Variants in SFI1 observed in about 807,000 individuals in gnomAD.
SFI1 encodes protein SFI1 homolog.
SFI1 carries 195 observed loss-of-function variants against 207.5 expected under a neutral mutation model. The observed-to-expected ratio is 0.94, with a 90% CI of 0.84 to 1.06. The LOEUF (loss-of-function observed/expected upper bound fraction) is 1.06, where lower values mean the gene tolerates loss of function less well. SFI1 is among the 50% of genes least tolerant of loss of function. The probability of loss-of-function intolerance (pLI) is 0.00; values close to 1 mark genes in which losing one functional copy is unlikely to be tolerated. For missense variants in SFI1, 1,634 were observed against 1,588.0 expected (o/e 1.03, Z -0.49); for synonymous variants, 630 against 598.9 (o/e 1.05, Z -0.76).
intron 8 of SFI1, among the ~76,000 whole-genome samples, chr22:31,571,218 C>G (rs148764841): frequency 0.012 from 1,781 of 152,248 alleles, 10 homozygotes; most frequent in Middle Eastern, 0.031. Flanking sequence ...AGTCTTTCCC[C>G]AACAACTTTT....
intron 12 of SFI1, among the ~76,000 whole-genome samples, chr22:31,582,228 A>ATG (rs1569377319): frequency 3.0e-5 from 1 of 33,828 alleles, no homozygotes; most frequent in Non-Finnish European, 5.4e-5. Context: ...ATATATATAT[A>ATG]TATATATATT....
intron 10 of SFI1, 32 bp downstream of exon 10, chr22:31,575,424 C>T (rs776730108): frequency 4.5e-6 from 7 of 1,551,654 alleles, no homozygotes; most frequent in Non-Finnish European, 5.2e-6. Context: ...CTGTCCATTG[C>T]CTCAGCCAGG....
intron 2 of SFI1, among the ~76,000 whole-genome samples, chr22:31,511,380 G>C (rs1034680675): frequency 5.9e-5 from 9 of 151,742 alleles, no homozygotes; most frequent in African/African-American, 2.2e-4. Flanking sequence ...GTACTCTTTA[G>C]GCCTGCTTTA....
chr22:31,521,773 T>TC (rs1412332790), intron 2 of SFI1, among the ~76,000 whole-genome samples: 1 of 151,822 alleles, frequency 6.6e-6, no homozygotes, highest in Non-Finnish European at 1.5e-5. Context: ...CCTTTTTTTT[T>TC]CTTTTTTTTT....
At chr22:31,555,662 G>A (rs896302035) in intron 6 of SFI1, among the ~76,000 whole-genome samples, 24 of 152,182 alleles carry the variant, frequency 1.6e-4, no homozygotes, top group Non-Finnish European at 3.1e-4. Flanking sequence ...ATAACTCTGA[G>A]AGAGGCACCA....
intron 4 of SFI1, among the ~76,000 whole-genome samples, chr22:31,542,716 C>T (rs976260326): frequency 6.6e-6 from 1 of 151,732 alleles, no homozygotes; most frequent in Non-Finnish European, 1.5e-5. Flanking sequence ...GGCTGGAGTG[C>T]AGTGGCCTGA....
Position 31,618,364 on chromosome 22 carries a change from G to A in SFI1, c.3675G>A (p.Gln1225=). 6.2e-7 allele frequency: 1 copy of A among 1,607,988 alleles called. No individual in the cohort carries two copies. Among genetic ancestry groups the A allele is most frequent in the South Asian group, 1.1e-5 (1 of 90,812 alleles). Residue 1225 remains glutamine (Q), a synonymous_variant, in exon 33 of 33, where the codon CAG becomes CAA. Transcript: ENST00000400288. The part of the protein sequence containing the change: ...LLAEELQAQR[Q]PIGACVARIQ... ...CAGAGGAGCTCCAGGCTCAGCGCCA[G>A]CCCATTGGCGCCTGCGTTGCCCGCA...
chr22:31,553,529 A>ATTTTTTTTT (rs71202096), intron 6 of SFI1, among the ~76,000 whole-genome samples: 49 of 82,550 alleles, frequency 5.9e-4, no homozygotes, highest in South Asian at 8.4e-4. Flanking sequence ...TAATTTTTGT[A>ATTTTTTTTT]TTTTTTTTTT....
intron 2 of SFI1, among the ~76,000 whole-genome samples, chr22:31,522,131 A>G (rs1438117084): frequency 2.2e-5 from 3 of 133,972 alleles, no homozygotes; most frequent in African/African-American, 8.5e-5. Context: ...GCAGTGGCAC[A>G]ATCTCTGCTC....
At chr22:31,551,488 G>T (rs990230154) in intron 6 of SFI1, among the ~76,000 whole-genome samples, 1 of 152,154 alleles carries the variant, frequency 6.6e-6, no homozygotes, top group Non-Finnish European at 1.5e-5. Context: ...TGTTTCACTG[G>T]TAAGTAACTT....
chr22:31,575,419 C>T lies in SFI1; in HGVS notation c.1084+27C>T, dbSNP rs766846499. 9 of 1,558,514 alleles carry T rather than the reference C, an allele frequency of 5.8e-6. No individual in the cohort carries two copies. In the Admixed American group the frequency reaches 1.3e-4, roughly 22 times the overall value. ...TATCCTTTCAGATACTCAGGCTGTC[C>T]ATTGCCTCAGCCAGGACAGCATGAG... On this transcript the variant is annotated intron_variant, in intron 10 of 32. Transcript: ENST00000400288.
At chr22:31,498,772 C>A (rs1303716183) in intron 1 of SFI1, among the ~76,000 whole-genome samples, 3 of 151,772 alleles carry the variant, frequency 2.0e-5, no homozygotes, top group African/African-American at 7.3e-5. Context: ...ATCAAGCAAA[C>A]TGGAATTAGA....
intron 12 of SFI1, among the ~76,000 whole-genome samples, chr22:31,581,964 C>T (rs2064235651): frequency 6.6e-6 from 1 of 151,490 alleles, no homozygotes; most frequent in South Asian, 2.1e-4. Flanking sequence ...TCATTATCAT[C>T]CCTAAGAAAA....
At chr22:31,541,508 G>A (rs2059485483) in intron 4 of SFI1, among the ~76,000 whole-genome samples, 2 of 152,100 alleles carry the variant, frequency 1.3e-5, no homozygotes, top group African/African-American at 4.8e-5. Flanking sequence ...TGTAATCCCA[G>A]CACTTTGGGA....
chr22:31,589,198 G>A (rs2065462463), intron 14 of SFI1, among the ~76,000 whole-genome samples: 2 of 107,510 alleles, frequency 1.9e-5, no homozygotes, highest in African/African-American at 3.5e-5. Flanking sequence ...GTGAGAGTGT[G>A]TGTATGTGTG....
intron 14 of SFI1, 49 bp downstream of exon 14, chr22:31,585,183 C>A: frequency 1.3e-6 from 2 of 1,501,050 alleles, no homozygotes; most frequent in Non-Finnish European, 1.8e-6. Context: ...CATTCTTGGA[C>A]CCATTTGCTT....
chr22:31,547,310 G>C (rs2147914806), intron 5 of SFI1, among the ~76,000 whole-genome samples: 1 of 152,058 alleles, frequency 6.6e-6, no homozygotes, highest in South Asian at 2.1e-4. Flanking sequence ...TTGTTTGTTT[G>C]TTTGTTTTGT....
intron 15 of SFI1, among the ~76,000 whole-genome samples, chr22:31,597,083 C>G (rs572036471): frequency 1.2e-4 from 19 of 152,124 alleles, no homozygotes; most frequent in Non-Finnish European, 2.6e-4. Context: ...GGCTTCAGTA[C>G]TGAAAACATG....
chr22:31,536,023 C>G (rs1380864007), intron 4 of SFI1, among the ~76,000 whole-genome samples: 6 of 151,988 alleles, frequency 3.9e-5, no homozygotes, highest in African/African-American at 1.5e-4. Context: ...AATGGGGTAT[C>G]CTGGTTTTGT....
Sources: gnomAD v4.1 joint callset for allele counts (sites outside exome capture counted in the v4.1 genomes callset) on GRCh38, gnomAD v4.1.1 for gene constraint, MANE v1.5 for transcripts, NCBI Gene and HGNC (gene_info 2026-07-23, HGNC 2026-07-21) for gene names.